The following RIMS2 variants were observed in gnomAD, a reference collection of about 807,000 sequenced individuals.
The protein encoded by RIMS2 is regulating synaptic membrane exocytosis protein 2.
A neutral mutation model predicts 174.4 loss-of-function variants in RIMS2; 59 were observed. The ratio of observed to expected loss-of-function variants is 0.34; its 90% CI spans 0.27 to 0.42. The LOEUF is 0.42. Ranked by LOEUF, RIMS2 falls within the 10% of genes least tolerant of loss-of-function variation. RIMS2 has a pLI of 1.00. For synonymous variants in RIMS2, 606 were observed against 572.5 expected, an observed-to-expected ratio of 1.06 and a Z score of -0.84; for missense variants, 1,620 against 1,666.3, an observed-to-expected ratio of 0.97 and a Z score of 0.48.
intron 1 of RIMS2, among the ~76,000 whole-genome samples, chr8:103,612,268 AT>A (rs2095395690): frequency 6.6e-6 from 1 of 151,850 alleles, no homozygotes; most frequent in South Asian, 2.1e-4. Flanking sequence ...ATGTCTCTCT[AT>A]TTTCAGGATT....
intron 2 of RIMS2, among the ~76,000 whole-genome samples, chr8:103,748,309 G>A (rs933805375): frequency 6.6e-6 from 1 of 151,968 alleles, no homozygotes; most frequent in Non-Finnish European, 1.5e-5. Flanking sequence ...GCTGGATCTG[G>A]TGGTGTGTGC....
intron 1 of RIMS2, among the ~76,000 whole-genome samples, chr8:103,573,165 C>T (rs1349638894): frequency 1.3e-5 from 2 of 152,002 alleles, no homozygotes; most frequent in Admixed American, 1.3e-4. Context: ...AAGTGGTTCT[C>T]ATGCCTCAGC....
intron 19 of RIMS2, among the ~76,000 whole-genome samples, chr8:104,048,753 A>C (rs934261493): frequency 1.3e-5 from 2 of 152,186 alleles, no homozygotes; most frequent in East Asian, 3.9e-4. Flanking sequence ...ATTTGAAAGA[A>C]ATTGAAAGTA....
chr8:103,550,660 A>G (rs761548961), intron 1 of RIMS2, among the ~76,000 whole-genome samples: 6 of 152,206 alleles, frequency 3.9e-5, no homozygotes, highest in South Asian at 2.1e-4. Context: ...AAATCAATGT[A>G]TCTAGGAGCT....
At chr8:103,796,197 A>G (rs537588479) in intron 3 of RIMS2, among the ~76,000 whole-genome samples, 1 of 152,234 alleles carries the variant, frequency 6.6e-6, no homozygotes, top group African/African-American at 2.4e-5. Flanking sequence ...GAAACGTGAT[A>G]TTAAAGTGTA....
intron 19 of RIMS2, among the ~76,000 whole-genome samples, chr8:104,069,084 A>G (rs1174940469): frequency 4.6e-5 from 7 of 152,218 alleles, no homozygotes; most frequent in African/African-American, 1.7e-4. Flanking sequence ...GAAGCCATAT[A>G]TCAAGTACTA....
At chr8:103,575,647 A>G (rs1225728125) in intron 1 of RIMS2, among the ~76,000 whole-genome samples, 1 of 145,346 alleles carries the variant, frequency 6.9e-6, no homozygotes, top group African/African-American at 2.5e-5. Context: ...TTTTATATAT[A>G]ATTTATATAT....
intron 19 of RIMS2, among the ~76,000 whole-genome samples, chr8:104,034,653 A>G (rs1470957631): frequency 6.6e-6 from 1 of 151,622 alleles, no homozygotes; most frequent in Non-Finnish European, 1.5e-5. Context: ...TATTTTTAGT[A>G]GAGACGGGGT....
At chr8:103,523,932 A>G (rs1404903526) in intron 1 of RIMS2, among the ~76,000 whole-genome samples, 1 of 152,168 alleles carries the variant, frequency 6.6e-6, no homozygotes, top group Non-Finnish European at 1.5e-5. Flanking sequence ...TTCCTATTTT[A>G]ATTAAAATTG....
At chr8:104,133,844 A>G (rs1165034667) in intron 19 of RIMS2, among the ~76,000 whole-genome samples, 1 of 152,198 alleles carries the variant, frequency 6.6e-6, no homozygotes, top group African/African-American at 2.4e-5. Flanking sequence ...GTAAATAGTT[A>G]TACTCTTTAC....
At chr8:104,059,032 G>A (rs1222895826) in intron 19 of RIMS2, among the ~76,000 whole-genome samples, 4 of 151,520 alleles carry the variant, frequency 2.6e-5, no homozygotes, top group African/African-American at 9.7e-5. Flanking sequence ...TTTTGGCTTA[G>A]GATTGACTTG....
chr8:103,868,687 A>T (rs2099095319), intron 3 of RIMS2, among the ~76,000 whole-genome samples: 1 of 152,076 alleles, frequency 6.6e-6, no homozygotes, highest in Non-Finnish European at 1.5e-5. Flanking sequence ...TGTGAATTTT[A>T]GTTTTTTCTT....
At chr8:103,534,893 G>GA (rs1233987787) in intron 1 of RIMS2, among the ~76,000 whole-genome samples, 10 of 152,052 alleles carry the variant, frequency 6.6e-5, no homozygotes, top group African/African-American at 2.4e-4. Context: ...CACTTTACAG[G>GA]AAAAAAAGCT....
intron 11 of RIMS2, chr8:103,927,993 C>T (rs2079111618): frequency 2.5e-6 from 2 of 810,944 alleles, no homozygotes; most frequent in Non-Finnish European, 2.0e-6. Context: ...TATGTTGCTC[C>T]AAATCATATT....
In RIMS2 at chr8:103,551,086, G is replaced by A. The variant is rs199719459; in HGVS notation, c.176+50024G>A. ...CAATAGAAGAAGAGGGACTCCTCCC[G>A]AACTCATTTTATGAGGCCAGCATCA... On this transcript the variant is annotated intron_variant, in intron 1 of 23. Coordinates refer to ENST00000504942, the Ensembl canonical transcript of RIMS2. 3.9e-5 allele frequency among the ~76,000 whole-genome samples: 6 copies of A among 152,096 alleles called. No homozygotes were observed. In the South Asian group the frequency reaches 8.3e-4, roughly 21 times the overall value.
chr8:103,666,400 G>A (rs58594820), intron 1 of RIMS2, among the ~76,000 whole-genome samples: 5 of 151,926 alleles, frequency 3.3e-5, no homozygotes, highest in Non-Finnish European at 5.9e-5. Flanking sequence ...TTGGTCAACC[G>A]GAGAGGTTGA....
At chr8:103,860,850 TATGACA>T (rs1422931285) in intron 3 of RIMS2, among the ~76,000 whole-genome samples, 1 of 152,174 alleles carries the variant, frequency 6.6e-6, no homozygotes, top group Non-Finnish European at 1.5e-5. Flanking sequence ...CATCTTGTAC[TATGACA>T]TTCCTATACA....
intron 1 of RIMS2, among the ~76,000 whole-genome samples, chr8:103,504,833 C>T (rs1374704649): frequency 5.5e-4 from 68 of 124,194 alleles, no homozygotes; most frequent in Admixed American, 1.1e-3. Flanking sequence ...TCTTTCTTTT[C>T]TTTTCTTTCT....
chr8:104,088,559 T>C (rs2097577621), intron 19 of RIMS2, among the ~76,000 whole-genome samples: 1 of 152,204 alleles, frequency 6.6e-6, no homozygotes, highest in African/African-American at 2.4e-5. Flanking sequence ...TGGGCTTCTA[T>C]ATTATCCAGT....
Sources: gnomAD v4.1 joint callset for allele counts (sites outside exome capture counted in the v4.1 genomes callset) on GRCh38, gnomAD v4.1.1 for gene constraint, MANE v1.5 for transcripts, NCBI Gene and HGNC (gene_info 2026-07-23, HGNC 2026-07-21) for gene names.